The following FGF18 variants were observed in gnomAD, a reference collection of about 807,000 sequenced individuals.
FGF18 encodes fibroblast growth factor 18.
FGF18 carries 5 observed loss-of-function variants against 23.0 expected under a neutral mutation model. The ratio of observed to expected loss-of-function variants is 0.22; its 90% CI spans 0.11 to 0.46. The LOEUF is 0.46. FGF18 is among the 20% of genes least tolerant of loss of function. The pLI is 0.99. For missense variants in FGF18, 180 were observed against 291.6 expected (o/e 0.62, Z 2.79); for synonymous variants, 117 against 118.9 (o/e 0.98, Z 0.10).
At chr5:171,438,031 C>T (rs1401103795) in intron 3 of FGF18, among the ~76,000 whole-genome samples, 1 of 151,912 alleles carries the variant, frequency 6.6e-6, no homozygotes, top group East Asian at 1.9e-4. Context: ...AGCACTTTGC[C>T]TTCTCTGGGC....
At chr5:171,450,735 GCCACGGACTGGGGCGCGGGCGCCGGGT>G (rs1188418387) in intron 4 of FGF18, among the ~76,000 whole-genome samples, 4 of 152,054 alleles carry the variant, frequency 2.6e-5, no homozygotes, top group Non-Finnish European at 5.9e-5. Context: ...CGGGGCCGGG[GCCACGGACTGGGGCGCGGGCGCCGGGT>G]CCCCCTAGCC....
At chr5:171,455,203 C>T (rs1398974175) in intron 4 of FGF18, among the ~76,000 whole-genome samples, 1 of 152,178 alleles carries the variant, frequency 6.6e-6, no homozygotes, top group Non-Finnish European at 1.5e-5. Flanking sequence ...CAGACCCAGG[C>T]TCCCAAGGGA....
chr5:171,426,232 G>A (rs1157867502), intron 2 of FGF18, among the ~76,000 whole-genome samples: 2 of 152,274 alleles, frequency 1.3e-5, no homozygotes, highest in East Asian at 1.9e-4. Context: ...ACTCTAGGAG[G>A]GTTCCCTTGC....
chr5:171,422,722 G>A (rs141008977), intron 2 of FGF18, among the ~76,000 whole-genome samples: 85 of 152,296 alleles, frequency 5.6e-4, no homozygotes, highest in African/African-American at 1.9e-3. Context: ...CTGAGGTTTG[G>A]GTAGGCTGCA....
At chr5:171,423,443 C>T (rs912926754) in intron 2 of FGF18, among the ~76,000 whole-genome samples, 3 of 152,202 alleles carry the variant, frequency 2.0e-5, no homozygotes, top group East Asian at 1.9e-4. Context: ...TTGTTCCTGC[C>T]GCCAGGCTCG....
At chr5:171,435,955 G>A (rs1772238289) in intron 2 of FGF18, 138 bp from the exon 3 acceptor site, 5 of 595,522 alleles carry the variant, frequency 8.4e-6, no homozygotes, top group African/African-American at 5.8e-5. Context: ...GTGAGGGGGT[G>A]GTTATCAGTG....
rs757628648 is a variant in FGF18 at position 171,456,533 on chromosome 5, C to T, written c.358-6C>T. ...TTCTTGAACACTCCCCCTCTCTCCCCTGCAGCCCGATGGCACCAGCAAGGA... is the reference window on the plus strand; with the variant it reads ...TTCTTGAACACTCCCCCTCTCTCCCTTGCAGCCCGATGGCACCAGCAAGGA... On this transcript the variant is annotated splice_region_variant and splice_polypyrimidine_tract_variant and intron_variant, in intron 4 of 4. Transcript: ENST00000274625. This position sits in a 1 kb window ranked among gnomAD's most constrained non-coding sequence, Gnocchi z 6.1. The T allele has an allele frequency of 1.9e-5, 31 of 1,611,106 alleles. No individual in the cohort carries two copies. Among genetic ancestry groups the T allele is most frequent in the Middle Eastern group, 1.6e-4 (1 of 6,066 alleles).
intron 1 of FGF18, 46 bp downstream of exon 1, chr5:171,420,277 C>T (rs1389255343): frequency 6.2e-7 from 1 of 1,604,442 alleles, no homozygotes; most frequent in Admixed American, 1.7e-5. Flanking sequence ...GGCTGTCTGT[C>T]CGTATGCCTG....
At chr5:171,438,247 G>T (rs1279330149) in intron 3 of FGF18, among the ~76,000 whole-genome samples, 2 of 151,746 alleles carry the variant, frequency 1.3e-5, no homozygotes, top group Non-Finnish European at 2.9e-5. Context: ...GATTACAGGC[G>T]CCCACCACCA....
intron 3 of FGF18, 126 bp from the exon 4 acceptor site, chr5:171,449,020 TC>T (rs1416054967): frequency 2.9e-6 from 2 of 699,102 alleles, no homozygotes; most frequent in Non-Finnish European, 2.6e-6. Flanking sequence ...TTGTTAGGCC[TC>T]CCCATGCCTG....
At chr5:171,450,213 G>T (rs892046147) in intron 4 of FGF18, among the ~76,000 whole-genome samples, 2 of 151,864 alleles carry the variant, frequency 1.3e-5, no homozygotes, top group Admixed American at 6.6e-5. Flanking sequence ...GGGGGTGGGG[G>T]AGATGACTTC....
intron 3 of FGF18, among the ~76,000 whole-genome samples, chr5:171,447,773 G>T (rs1772440261): frequency 6.6e-6 from 1 of 152,078 alleles, no homozygotes; most frequent in Non-Finnish European, 1.5e-5. Context: ...ACTCTTTGTG[G>T]CTCCAAGGAT....
intron 2 of FGF18, among the ~76,000 whole-genome samples, chr5:171,428,758 C>T (rs1024942736): frequency 9.9e-5 from 15 of 152,158 alleles, no homozygotes; most frequent in African/African-American, 3.6e-4. Flanking sequence ...TCTCCCTACC[C>T]AGGGGCTTTA....
intron 3 of FGF18, among the ~76,000 whole-genome samples, chr5:171,446,925 C>G (rs1392743751): frequency 2.0e-5 from 3 of 152,172 alleles, no homozygotes; most frequent in Non-Finnish European, 4.4e-5. Flanking sequence ...TAGTGCAAGA[C>G]CTGGGGAGGG....
In FGF18 at chr5:171,422,167, G is replaced by C. The variant is rs528633142; in HGVS notation, c.69+1724G>C. On this transcript the variant is annotated intron_variant, in intron 2 of 4. Transcript: ENST00000274625. ...AGGGCCCAGGAGGGGCTGCTGTGTG[G>C]TCTTTGTGTTCTCCGTGGGAGCTGG... is the stretch of plus-strand genomic sequence containing the variant. Among the ~76,000 whole-genome samples the C allele has an allele frequency of 4.5e-4, 68 of 152,270 alleles. 1 individual carries two copies. Among genetic ancestry groups the C allele is most frequent in the Non-Finnish European group, 9.6e-4 (65 of 67,996 alleles).
At chr5:171,422,761 A>G (rs563031925) in intron 2 of FGF18, among the ~76,000 whole-genome samples, 93 of 152,278 alleles carry the variant, frequency 6.1e-4, no homozygotes, top group African/African-American at 2.1e-3. Flanking sequence ...AAGCTCCTTT[A>G]GGGTGAGCCG....
At chr5:171,435,456 C>T (rs1481543888) in intron 2 of FGF18, among the ~76,000 whole-genome samples, 2 of 152,138 alleles carry the variant, frequency 1.3e-5, no homozygotes, top group African/African-American at 4.8e-5. Context: ...GTTTTGGTGG[C>T]AGATGCAAAA....
intron 4 of FGF18, among the ~76,000 whole-genome samples, chr5:171,449,564 T>C (rs1290278136): frequency 6.6e-6 from 1 of 151,650 alleles, no homozygotes; most frequent in Admixed American, 6.6e-5. Flanking sequence ...TCTGGCTTGC[T>C]TGGTAGTGGG....
At chr5:171,423,369 G>A (rs1217811541) in intron 2 of FGF18, among the ~76,000 whole-genome samples, 1 of 152,232 alleles carries the variant, frequency 6.6e-6, no homozygotes, top group East Asian at 1.9e-4. Context: ...TCTGCACTTG[G>A]CTGAGCTCTG....
Sources: gnomAD v4.1 joint callset for allele counts (sites outside exome capture counted in the v4.1 genomes callset) on GRCh38, gnomAD v4.1.1 for gene constraint, Gnocchi (gnomAD v3.1) non-coding constraint, MANE v1.5 for transcripts, NCBI Gene and HGNC (gene_info 2026-07-23, HGNC 2026-07-21) for gene names.